SORCS2: variants seen among roughly 807,000 people sequenced by gnomAD.
SORCS2 encodes sortilin related VPS10 domain containing receptor 2, also known as VPS10 domain-containing receptor SorCS2.
In SORCS2, 100 loss-of-function variants were observed where a neutral mutation model predicts 141.6. That is an observed-to-expected ratio of 0.71 (90% CI 0.60 to 0.83). The LOEUF (loss-of-function observed/expected upper bound fraction) is 0.83, where lower values mean the gene tolerates loss of function less well. Among genes scored for constraint, SORCS2 ranks in the 40% least tolerant of loss-of-function variants. SORCS2 has a pLI of 0.00. For synonymous variants in SORCS2, 789 were observed against 676.9 expected, an observed-to-expected ratio of 1.17 and a Z score of -2.57; for missense variants, 1,646 against 1,560.2, an observed-to-expected ratio of 1.05 and a Z score of -0.93.
intron 3 of SORCS2, among the ~76,000 whole-genome samples, chr4:7,556,732 AT>A (rs1259220305): frequency 6.8e-6 from 1 of 146,854 alleles, no homozygotes; most frequent in African/African-American, 2.5e-5. Context: ...CCCACCCACC[AT>A]CCATGTGTCC....
chr4:7,457,164 A>G (rs1728967008), intron 2 of SORCS2, among the ~76,000 whole-genome samples: 1 of 152,236 alleles, frequency 6.6e-6, no homozygotes, highest in South Asian at 2.1e-4. Context: ...GCCCCCGGAC[A>G]GATTCCCCGC....
chr4:7,287,021 GC>G (rs1451743463), intron 1 of SORCS2, among the ~76,000 whole-genome samples: 1 of 152,220 alleles, frequency 6.6e-6, no homozygotes, highest in Non-Finnish European at 1.5e-5. Flanking sequence ...CCTCCAGGAA[GC>G]CTTCCTTTCT....
At chr4:7,252,802 T>C (rs1713594232) in intron 1 of SORCS2, among the ~76,000 whole-genome samples, 1 of 152,228 alleles carries the variant, frequency 6.6e-6, no homozygotes, top group Non-Finnish European at 1.5e-5. Flanking sequence ...AAAATTATTA[T>C]AGATGAAAAT....
intron 2 of SORCS2, among the ~76,000 whole-genome samples, chr4:7,440,054 C>T (rs1261300546): frequency 1.3e-5 from 2 of 152,332 alleles, no homozygotes; most frequent in East Asian, 3.9e-4. Flanking sequence ...GTATCACAGA[C>T]ATTCATCCTC....
intron 2 of SORCS2, among the ~76,000 whole-genome samples, chr4:7,397,984 T>G (rs917602995): frequency 2.0e-5 from 3 of 152,186 alleles, no homozygotes; most frequent in African/African-American, 4.8e-5. Flanking sequence ...CTCACAAGTT[T>G]CCAGAGTACC....
At chr4:7,501,280 T>C (rs1215712441) in intron 2 of SORCS2, among the ~76,000 whole-genome samples, 1 of 152,220 alleles carries the variant, frequency 6.6e-6, no homozygotes, top group African/African-American at 2.4e-5. Context: ...AGAACCTTGC[T>C]CTGTTCTTGG....
At chr4:7,300,636 T>A (rs1187754270) in intron 1 of SORCS2, among the ~76,000 whole-genome samples, 1 of 152,228 alleles carries the variant, frequency 6.6e-6, no homozygotes, top group East Asian at 1.9e-4. Flanking sequence ...ATGAGGACAC[T>A]GGGGCAGAGA....
intron 7 of SORCS2, among the ~76,000 whole-genome samples, chr4:7,665,575 T>C (rs1722453724): frequency 6.6e-6 from 1 of 152,186 alleles, no homozygotes; most frequent in Non-Finnish European, 1.5e-5. Context: ...TCAGGGTCAC[T>C]GGTGCCTCCT....
chr4:7,709,105 G>T (rs1343953231), intron 14 of SORCS2, among the ~76,000 whole-genome samples: 2 of 152,148 alleles, frequency 1.3e-5, no homozygotes, highest in East Asian at 3.9e-4. Context: ...AGGGAGTCCC[G>T]CCACCAGGCA....
At chr4:7,607,637 C>T (rs530193701) in intron 3 of SORCS2, among the ~76,000 whole-genome samples, 15 of 152,340 alleles carry the variant, frequency 9.8e-5, no homozygotes, top group African/African-American at 3.1e-4. Flanking sequence ...CCCAAGGCAA[C>T]TGCATCCAGT....
At chr4:7,511,874 C>T (rs1362237481) in intron 2 of SORCS2, among the ~76,000 whole-genome samples, 1 of 152,192 alleles carries the variant, frequency 6.6e-6, no homozygotes, top group Non-Finnish European at 1.5e-5. Flanking sequence ...GGGGAAATGT[C>T]CCTAATGGAA....
At chr4:7,285,404 A>G (rs116024454) in intron 1 of SORCS2, among the ~76,000 whole-genome samples, 2,235 of 152,356 alleles carry the variant, frequency 0.015, 48 homozygotes, top group African/African-American at 0.05. Context: ...CACATGGCAG[A>G]GTGGAGACAT....
intron 3 of SORCS2, among the ~76,000 whole-genome samples, chr4:7,604,050 A>G (rs954991764): frequency 4.6e-5 from 7 of 151,852 alleles, no homozygotes; most frequent in African/African-American, 1.7e-4. Context: ...GGTGTGTGTG[A>G]CTGCTGTGTG....
At chr4:7,606,637 G>T (rs932823417) in intron 3 of SORCS2, among the ~76,000 whole-genome samples, 15 of 152,112 alleles carry the variant, frequency 9.9e-5, no homozygotes, top group Non-Finnish European at 1.8e-4. Flanking sequence ...GGCTGGACTT[G>T]CCCTGTTTGG....
intron 2 of SORCS2, among the ~76,000 whole-genome samples, chr4:7,473,678 C>T (rs569119628): frequency 2.6e-5 from 4 of 151,026 alleles, no homozygotes; most frequent in South Asian, 2.1e-4. Flanking sequence ...GATGGCTGGG[C>T]GGTAGCAGGA....
intron 3 of SORCS2, among the ~76,000 whole-genome samples, chr4:7,549,211 A>AT (rs1187578863): frequency 6.6e-6 from 1 of 152,138 alleles, no homozygotes; most frequent in Non-Finnish European, 1.5e-5. Flanking sequence ...CTGGTTTTTT[A>AT]TTAAAAAAAG....
At chr4:7,346,949 G>A (rs1245952775) in intron 1 of SORCS2, among the ~76,000 whole-genome samples, 1 of 152,150 alleles carries the variant, frequency 6.6e-6, no homozygotes, top group African/African-American at 2.4e-5. Context: ...GCTCTTTATG[G>A]TCAGCACTTA....
intron 5 of SORCS2, among the ~76,000 whole-genome samples, chr4:7,658,603 T>C (rs1721953781): frequency 6.6e-6 from 1 of 152,210 alleles, no homozygotes. Context: ...TTGATGCTGG[T>C]GCCCCTGTGT....
At chr4:7,514,587 G>A (rs1415025169) in intron 2 of SORCS2, among the ~76,000 whole-genome samples, 7 of 152,016 alleles carry the variant, frequency 4.6e-5, no homozygotes, top group South Asian at 2.1e-4. Context: ...GGCTTCCCAC[G>A]GGGTGTCTGG....
Sources: gnomAD v4.1 joint callset for allele counts (sites outside exome capture counted in the v4.1 genomes callset) on GRCh38, gnomAD v4.1.1 for gene constraint, MANE v1.5 for transcripts, NCBI Gene and HGNC (gene_info 2026-07-23, HGNC 2026-07-21) for gene names.